The following TMEM266 variants were observed in gnomAD, a reference collection of about 807,000 sequenced individuals.
TMEM266 encodes Hv1 related protein 1.
Under a neutral mutation model 50.5 loss-of-function variants are expected in TMEM266, and 33 were observed. The observed-to-expected ratio is 0.65, with a 90% CI of 0.50 to 0.87. The LOEUF (loss-of-function observed/expected upper bound fraction) is 0.87, where lower values mean the gene tolerates loss of function less well. Ranked by LOEUF, TMEM266 falls within the 40% of genes least tolerant of loss-of-function variation. The pLI is 0.00. For missense variants in TMEM266, 655 were observed against 695.1 expected (o/e 0.94, Z 0.65); for synonymous variants, 310 against 292.3 (o/e 1.06, Z -0.62).
chr15:76,090,533 A>G (rs941370912), intron 1 of TMEM266, among the ~76,000 whole-genome samples: 8 of 151,772 alleles, frequency 5.3e-5, no homozygotes, highest in Admixed American at 5.3e-4. Context: ...AAAGTTGGGA[A>G]AAGAATGCAG....
chr15:76,075,545 G>T (rs961438678), intron 1 of TMEM266, among the ~76,000 whole-genome samples: 1 of 152,016 alleles, frequency 6.6e-6, no homozygotes, highest in African/African-American at 2.4e-5. Flanking sequence ...TTAATGATAC[G>T]ACATGTTGGG....
rs1353808147 is a variant in TMEM266, at chr15:76,204,733, T to C, written c.*418T>C. On this transcript the variant is annotated 3_prime_UTR_variant, in exon 11 of 11. Coordinates refer to ENST00000388942, the MANE Select transcript of TMEM266 (RefSeq NM_152335.3). ...ACCCCTAAGCCGTCTTTCCCAGGAA[T>C]CCTGGGTGGAGTCCAACACAATCAC... 1.3e-5 allele frequency: 2 copies of C among 159,838 alleles called. No homozygotes were observed. The highest frequency in any genetic ancestry group is 1.2e-4 in the Admixed American group (2 of 16,470). The allele number at this position is 159,838 out of a possible 1,614,324, so 9.9% of individuals were successfully genotyped here.
intron 3 of TMEM266, among the ~76,000 whole-genome samples, chr15:76,149,590 T>C (rs2037807392): frequency 6.6e-6 from 1 of 152,228 alleles, no homozygotes; most frequent in Non-Finnish European, 1.5e-5. Context: ...CACAACAACC[T>C]GTCAAAGCAG....
chr15:76,138,040 G>T, intron 3 of TMEM266, 145 bp downstream of exon 3: 1 of 705,256 alleles, frequency 1.4e-6, no homozygotes. Flanking sequence ...TGGCCAACAT[G>T]GTAAAACCCT....
chr15:76,060,718 G>A (rs1289751744), intron 1 of TMEM266, among the ~76,000 whole-genome samples: 1 of 152,176 alleles, frequency 6.6e-6, no homozygotes, highest in Non-Finnish European at 1.5e-5. Context: ...CCTGGGACTT[G>A]CATACTCAAA....
chr15:76,170,854 C>A lies in TMEM266; in HGVS notation c.514-139C>A, dbSNP rs373082972. 4 of 982,256 alleles carry A rather than the reference C, an allele frequency of 4.1e-6. No individual in the cohort carries two copies. The African/African-American group carries it at 4.9e-5, about 12-fold the overall frequency. 60.8% of individuals were successfully genotyped at this position (982,256 alleles called of 1,614,324 possible). A position where few individuals can be genotyped will look rare whatever the true frequency, so the allele number is the denominator to read the frequency against. ...AAAGACTCAGGAGGGTCAGGAGGGG[C>A]CACCCGGGGTGGGGTGGCCTTCTGG... On this transcript the variant is annotated intron_variant, in intron 6 of 10. Transcript: ENST00000388942.
chr15:76,114,980 T>C lies in TMEM266; in HGVS notation c.-96-19188T>C, dbSNP rs76347716. Among the ~76,000 whole-genome samples the C allele has an allele frequency of 7.7e-4, 117 of 152,184 alleles. 1 individual carries two copies. The East Asian group carries it at 0.022, about 28-fold the overall frequency. On this transcript the variant is annotated intron_variant, in intron 1 of 10. Coordinates refer to ENST00000388942, the MANE Select transcript of TMEM266 (RefSeq NM_152335.3). The stretch of plus-strand genomic sequence containing the variant: ...ATGTCTAGATTTGTTAATAGAAATA[T>C]CCCTTGTTGGCCAGGCACAGTGGCT...
At chr15:76,100,711 C>A (rs1383352900) in intron 1 of TMEM266, among the ~76,000 whole-genome samples, 3 of 152,194 alleles carry the variant, frequency 2.0e-5, no homozygotes, top group Non-Finnish European at 1.5e-5. Context: ...CATTTCGCTG[C>A]CCCTGGGAAA....
chr15:76,181,813 T>C (rs772271622), intron 8 of TMEM266, among the ~76,000 whole-genome samples: 1 of 152,218 alleles, frequency 6.6e-6, no homozygotes, highest in Non-Finnish European at 1.5e-5. Flanking sequence ...TGAGGTTTTA[T>C]GTACCTCCAT....
chr15:76,144,624 C>T (rs1596132648), intron 3 of TMEM266, among the ~76,000 whole-genome samples: 2 of 152,106 alleles, frequency 1.3e-5, no homozygotes, highest in East Asian at 1.9e-4. Flanking sequence ...TGGCCTTCAC[C>T]ACTCTACACC....
chr15:76,150,574 TC>T (rs914739352), intron 3 of TMEM266, among the ~76,000 whole-genome samples: 4 of 152,206 alleles, frequency 2.6e-5, no homozygotes, highest in African/African-American at 9.6e-5. Context: ...GTGCAGTCAC[TC>T]CCCTCTCTGC....
rs1173168732 is a variant in TMEM266, at chr15:76,160,285, C to A, written c.456+117C>A. ...TCAGGTCCCCTGCTAGCCCTTGAGG[C>A]TGCTGGGAGGGAGACACAATATAGA... On this transcript the variant is annotated intron_variant, in intron 5 of 10. Transcript: ENST00000388942. This position sits in a 1 kb window ranked among gnomAD's most constrained non-coding sequence, Gnocchi z 5.7. The A allele has an allele frequency of 1.9e-6, 2 of 1,042,502 alleles. No homozygotes were observed. Among genetic ancestry groups the A allele is most frequent in the Non-Finnish European group, 2.9e-6 (2 of 681,248 alleles). 64.6% of individuals were successfully genotyped at this position (1,042,502 alleles called of 1,614,324 possible). A position where few individuals can be genotyped will look rare whatever the true frequency, so the allele number is the denominator to read the frequency against.
chr15:76,182,486 T>C (rs891348255), intron 8 of TMEM266, among the ~76,000 whole-genome samples: 3 of 150,616 alleles, frequency 2.0e-5, no homozygotes, highest in African/African-American at 2.4e-5. Context: ...AAAAAATATA[T>C]ATAAAAAATT....
intron 1 of TMEM266, among the ~76,000 whole-genome samples, chr15:76,117,859 C>T (rs1020077889): frequency 1.3e-5 from 2 of 152,192 alleles, no homozygotes; most frequent in African/African-American, 4.8e-5. Context: ...GAGGTGATTT[C>T]AGGTGGGACA....
intron 1 of TMEM266, among the ~76,000 whole-genome samples, chr15:76,076,159 A>G (rs1329135831): frequency 1.3e-5 from 2 of 151,954 alleles, no homozygotes; most frequent in African/African-American, 4.8e-5. Flanking sequence ...TGCCTGGCCA[A>G]GAAGGCAGCT....
intron 1 of TMEM266, among the ~76,000 whole-genome samples, chr15:76,064,212 A>G (rs927685370): frequency 6.6e-6 from 1 of 152,176 alleles, no homozygotes; most frequent in Non-Finnish European, 1.5e-5. Context: ...AGACAGGTGA[A>G]TCCTTGCACT....
intron 8 of TMEM266, among the ~76,000 whole-genome samples, chr15:76,182,318 G>GC (rs1239743240): frequency 3.9e-5 from 6 of 152,008 alleles, no homozygotes; most frequent in Admixed American, 2.0e-4. Flanking sequence ...AATCTGGCCT[G>GC]CTGGAGGCTT....
At chr15:76,089,638 G>A (rs555192621) in intron 1 of TMEM266, among the ~76,000 whole-genome samples, 9 of 152,150 alleles carry the variant, frequency 5.9e-5, no homozygotes, top group Non-Finnish European at 1.3e-4. Flanking sequence ...GAGGGAGCTA[G>A]CTAGGGTCTT....
At chr15:76,138,907 T>A (rs549336795) in intron 3 of TMEM266, among the ~76,000 whole-genome samples, 1 of 152,268 alleles carries the variant, frequency 6.6e-6, no homozygotes, top group South Asian at 2.1e-4. Context: ...ACCAGTTTGA[T>A]GTCCTTGATT....
Sources: gnomAD v4.1 joint callset for allele counts (sites outside exome capture counted in the v4.1 genomes callset) on GRCh38, gnomAD v4.1.1 for gene constraint, Gnocchi (gnomAD v3.1) non-coding constraint, MANE v1.5 for transcripts, NCBI Gene and HGNC (gene_info 2026-07-23, HGNC 2026-07-21) for gene names.